SLC12A6: variants seen among roughly 807,000 people sequenced by gnomAD.
SLC12A6 encodes K-Cl cotransporter 3.
SLC12A6 carries 66 observed loss-of-function variants against 135.3 expected under a neutral mutation model. The observed-to-expected ratio is 0.49, with a 90% CI of 0.40 to 0.60. SLC12A6 has a LOEUF of 0.60. SLC12A6 is among the 20% of genes least tolerant of loss of function. SLC12A6 has a pLI of 0.00. For synonymous variants in SLC12A6, 513 were observed against 508.8 expected, an observed-to-expected ratio of 1.01 and a Z score of -0.11; for missense variants, 1,058 against 1,452.3, an observed-to-expected ratio of 0.73 and a Z score of 4.41.
chr15:34,257,560 T>C (rs1388509289), intron 6 of SLC12A6, 82 bp downstream of exon 6: 3 of 1,026,792 alleles, frequency 2.9e-6, no homozygotes, highest in Non-Finnish European at 4.6e-6. Flanking sequence ...ATTCTTTGTT[T>C]TATTCCCAAA....
At position 34,236,018 on chromosome 15, in the gene SLC12A6, C is replaced by T. The variant is rs767931115; in HGVS notation, c.3224G>A (p.Arg1075His). 7 of 1,612,638 alleles carry T rather than the reference C, an allele frequency of 4.3e-6. No homozygotes were observed. Among genetic ancestry groups the T allele is most frequent in the African/African-American group, 1.3e-5 (1 of 74,968 alleles). Residue 1075 changes from arginine (R) to histidine (H), a missense_variant, in exon 24 of 26, where the codon CGT (arginine) becomes CAT (histidine). Arg to His is a conservative substitution (Grantham distance 29). This residue lies in a region of SLC12A6 where 245 missense variants were observed against 440.8 expected (regional missense o/e 0.56). Transcript: ENST00000354181. ...ACTTGGGAGTGGGAAAACTTACGGACGCATGTTAAGCAGGTCCTGGAATCC... is the reference window on the plus strand; with the variant it reads ...ACTTGGGAGTGGGAAAACTTACGGATGCATGTTAAGCAGGTCCTGGAATCC... The part of the protein sequence containing the change: ...MEGFQDLLNM[R>H]PDQSNVRRMH...
At chr15:34,334,648 G>T (rs933802656) in intron 2 of SLC12A6, among the ~76,000 whole-genome samples, 2 of 152,146 alleles carry the variant, frequency 1.3e-5, no homozygotes, top group African/African-American at 4.8e-5. Flanking sequence ...CTAATGGCCA[G>T]ACTATTAATT....
At chr15:34,269,980 A>G (rs1435612400) in intron 3 of SLC12A6, among the ~76,000 whole-genome samples, 5 of 148,966 alleles carry the variant, frequency 3.4e-5, no homozygotes, top group African/African-American at 1.3e-4. Flanking sequence ...TTTATTAGCT[A>G]GAATACCTCT....
intron 2 of SLC12A6, among the ~76,000 whole-genome samples, chr15:34,292,901 C>T (rs1895639018): frequency 6.6e-6 from 1 of 152,190 alleles, no homozygotes; most frequent in Non-Finnish European, 1.5e-5. Flanking sequence ...GTGTACCACT[C>T]CTCCAAGCAC....
intron 6 of SLC12A6, 50 bp downstream of exon 6, chr15:34,257,592 T>C (rs766185873): frequency 6.6e-7 from 1 of 1,510,742 alleles, no homozygotes; most frequent in Non-Finnish European, 9.2e-7. Flanking sequence ...CATCTGCTCT[T>C]GAGAACTTGC....
At chr15:34,255,514 C>T in intron 7 of SLC12A6, 122 bp from the exon 8 acceptor site, 1 of 736,372 alleles carries the variant, frequency 1.4e-6, no homozygotes, top group Admixed American at 2.2e-5. Context: ...TTCTGCAAAC[C>T]CTCAATGTGA....
rs1003165402 is a variant in SLC12A6 at position 34,328,191 on chromosome 15, T to C, written c.271+8219A>G. On this transcript the variant is annotated intron_variant, in intron 2 of 25. Transcript: ENST00000354181. ...CTTTTGTTTTCTATTTCTACAGTTT[T>C]CAACTACAAAAACTGAAATTTTAAG... Among the ~76,000 whole-genome samples, 6 of 152,154 alleles carry C rather than the reference T, an allele frequency of 3.9e-5. No homozygotes were observed. In the South Asian group the frequency reaches 1.0e-3, roughly 26 times the overall value.
intron 2 of SLC12A6, among the ~76,000 whole-genome samples, chr15:34,301,350 G>T (rs1896245193): frequency 6.6e-6 from 1 of 152,094 alleles, no homozygotes; most frequent in South Asian, 2.1e-4. Flanking sequence ...TGGAAACAAA[G>T]AAACAAAGTC....
In SLC12A6 at chr15:34,240,782, T is replaced by C; in HGVS notation, c.2315A>G (p.Lys772Arg). 6.2e-7 allele frequency: 1 copy of C among 1,614,128 alleles called. No homozygotes were observed. The highest frequency in any genetic ancestry group is 8.5e-7 in the Non-Finnish European group (1 of 1,179,978). ...LLKLDEDLHV[K>R]HPRLLTFASQ... ...GGCAAAGGTGAGGAGGCGAGGATGCTTGACATGTAAGTCTTCATCTAGTTT... is the reference window on the plus strand; with the variant it reads ...GGCAAAGGTGAGGAGGCGAGGATGCCTGACATGTAAGTCTTCATCTAGTTT... The change falls in exon 19 of 26, where the codon AAG (lysine) becomes AGG (arginine). Residue 772 changes from lysine to arginine, a missense_variant. Transcript: ENST00000354181.
intron 2 of SLC12A6, among the ~76,000 whole-genome samples, chr15:34,286,626 C>A (rs1895100480): frequency 6.6e-6 from 1 of 151,812 alleles, no homozygotes; most frequent in African/African-American, 2.4e-5. Context: ...GAAACCCAGT[C>A]TCTACTAAAA....
chr15:34,305,945 T>C (rs1896579490), intron 2 of SLC12A6, among the ~76,000 whole-genome samples: 1 of 152,046 alleles, frequency 6.6e-6, no homozygotes, highest in Non-Finnish European at 1.5e-5. Context: ...CTTTTTTTAG[T>C]AGAGATGGGG....
chr15:34,316,390 C>T (rs926372444), intron 2 of SLC12A6, among the ~76,000 whole-genome samples: 3 of 152,004 alleles, frequency 2.0e-5, no homozygotes, highest in East Asian at 1.9e-4. Context: ...ATATTTTACT[C>T]CTAGGTTTAA....
chr15:34,245,146 AG>A lies in SLC12A6; in HGVS notation c.1943+138del. ...AAGTTAGCCTTACTTGGAAGTTCTC[AG>A]GAATGATTTTTATTTAAGTGAAGTT... On this transcript the variant is annotated intron_variant, in intron 15 of 25. Coordinates refer to ENST00000354181, the MANE Select transcript of SLC12A6 (RefSeq NM_001365088.1). 4.3e-6 allele frequency: 3 copies of A among 700,000 alleles called. No individual in the cohort carries two copies. In the South Asian group the frequency reaches 4.5e-5, roughly 11 times the overall value. 43.4% of individuals were successfully genotyped at this position (700,000 alleles called of 1,614,324 possible).
intron 7 of SLC12A6, among the ~76,000 whole-genome samples, chr15:34,255,807 T>TAAA (rs1310494471): frequency 2.0e-5 from 3 of 148,316 alleles, no homozygotes; most frequent in African/African-American, 7.4e-5. Context: ...GTCACCTCTG[T>TAAA]AAAAAAAAAA....
At position 34,238,383 on chromosome 15, in the gene SLC12A6, G is replaced by A; in HGVS notation, c.2651C>T (p.Thr884Ile). 1 of 1,613,632 alleles carries A rather than the reference G, an allele frequency of 6.2e-7. No homozygotes were observed. The highest frequency in any genetic ancestry group is 8.5e-7 in the Non-Finnish European group (1 of 1,179,536). ...KTFIGTVRVT[T>I]AAHLALLVAK... is the part of the protein sequence containing the mutation. ...CACCAGCAGTGCAAGATGGGCAGCAGTTGTCACTCGAACTGTGCCTAGGGA... is the reference window on the plus strand; with the variant it reads ...CACCAGCAGTGCAAGATGGGCAGCAATTGTCACTCGAACTGTGCCTAGGGA... Residue 884 changes from threonine to isoleucine, a missense_variant, in exon 21 of 26, where the codon ACT becomes ATT. Physicochemically the swap from Thr to Ile is moderately conservative, Grantham distance 89. This residue lies in a region of SLC12A6 where 245 missense variants were observed against 440.8 expected (regional missense o/e 0.56). Coordinates refer to ENST00000354181, the MANE Select transcript of SLC12A6 (RefSeq NM_001365088.1).
chr15:34,244,913 A>T lies in SLC12A6; in HGVS notation c.1943+372T>A, dbSNP rs569961720. Among the ~76,000 whole-genome samples, 10 of 152,310 alleles carry T rather than the reference A, an allele frequency of 6.6e-5. No homozygotes were observed. The South Asian group carries it at 2.1e-3, about 32-fold the overall frequency. Reference sequence around the variant, plus strand: ...GGTTTCCTTATCCATTATCAGTTCCATAAGATTGTGTCTTATCCATCTTTG... The same window carrying T: ...GGTTTCCTTATCCATTATCAGTTCCTTAAGATTGTGTCTTATCCATCTTTG... On this transcript the variant is annotated intron_variant, in intron 15 of 25. Coordinates refer to ENST00000354181, the MANE Select transcript of SLC12A6 (RefSeq NM_001365088.1).
At position 34,315,883 on chromosome 15, in the gene SLC12A6, G is replaced by A. The variant is rs534802886; in HGVS notation, c.271+20527C>T. 1.4e-3 allele frequency among the ~76,000 whole-genome samples: 209 copies of A among 152,182 alleles called. 1 individual carries two copies. Among genetic ancestry groups the A allele is most frequent in the African/African-American group, 4.9e-3 (202 of 41,488 alleles). ...AGTCCCAGGAGGTGGAGGTTGCAGC[G>A]AGCAGAGATCACGCCACTGCACTCT... On this transcript the variant is annotated intron_variant, in intron 2 of 25. Transcript: ENST00000354181.
chr15:34,235,093 A>T, intron 25 of SLC12A6, 88 bp downstream of exon 25: 1 of 1,210,812 alleles, frequency 8.3e-7, no homozygotes, highest in Non-Finnish European at 1.2e-6. Flanking sequence ...AGTGGGGCAT[A>T]GACAATGACT....
chr15:34,332,470 C>T (rs979832895), intron 2 of SLC12A6, among the ~76,000 whole-genome samples: 3 of 152,118 alleles, frequency 2.0e-5, no homozygotes, highest in Non-Finnish European at 2.9e-5. Context: ...TATCTGTTGA[C>T]TTATAAAAGG....
Sources: allele counts gnomAD v4.1 joint callset (sites outside exome capture counted in the v4.1 genomes callset), GRCh38; gene constraint gnomAD v4.1.1; regional missense constraint gnomAD v4.1.1; transcripts MANE v1.5; gene names NCBI Gene and HGNC (gene_info 2026-07-23, HGNC 2026-07-21).